The following ARL13B variants were observed in gnomAD, a reference collection of about 807,000 sequenced individuals.
ARL13B encodes the protein ADP-ribosylation factor-like protein 13B.
In ARL13B, 36 loss-of-function variants were observed where a neutral mutation model predicts 56.1. The ratio of observed to expected loss-of-function variants is 0.64; its 90% CI spans 0.49 to 0.85. ARL13B has a LOEUF of 0.85. Among genes scored for constraint, ARL13B ranks in the 40% least tolerant of loss-of-function variants. ARL13B has a pLI of 0.00. For missense variants in ARL13B, 519 were observed against 507.1 expected, an observed-to-expected ratio of 1.02 and a Z score of -0.23; for synonymous variants, 178 against 171.1, an observed-to-expected ratio of 1.04 and a Z score of -0.32.
chr3:94,055,112 C>T lies in ARL13B; in HGVS notation c.*1849C>T, dbSNP rs988652015. ...TATAGAATTCACATTTTATATAGCT[C>T]TCTCAAAAATTAATTTTTATTCCTT... is the stretch of plus-strand genomic sequence containing the variant. On this transcript the variant is annotated 3_prime_UTR_variant, in exon 10 of 10. Transcript: ENST00000394222. 8.2e-6 allele frequency: 3 copies of T among 365,590 alleles called. No individual in the cohort carries two copies. The highest frequency in any genetic ancestry group is 1.6e-5 in the Non-Finnish European group (3 of 191,912). The allele number at this position is 365,590 out of a possible 1,614,324, so 22.6% of individuals were successfully genotyped here.
chr3:94,036,436 C>CATATTATTATTA, intron 4 of ARL13B, 116 bp from the exon 5 acceptor site: 1 of 1,027,136 alleles, frequency 9.7e-7, no homozygotes, highest in South Asian at 1.4e-5. Flanking sequence ...GCAGATGCTT[C>CATATTATTATTA]ATATTATTAA....
At chr3:94,030,835 TA>T (rs935360969) in intron 3 of ARL13B, among the ~76,000 whole-genome samples, 7 of 152,030 alleles carry the variant, frequency 4.6e-5, no homozygotes, top group African/African-American at 1.7e-4. Flanking sequence ...ATAAAACAAA[TA>T]ATGTCATTAG....
At chr3:94,002,871 C>G (rs568032250) in intron 2 of ARL13B, among the ~76,000 whole-genome samples, 1 of 152,232 alleles carries the variant, frequency 6.6e-6, no homozygotes, top group African/African-American at 2.4e-5. Context: ...TGTTCATATT[C>G]CTTTACTTTG....
At chr3:94,032,847 A>G (rs372805748) in intron 3 of ARL13B, among the ~76,000 whole-genome samples, 19 of 152,342 alleles carry the variant, frequency 1.2e-4, no homozygotes, top group East Asian at 7.7e-4. Flanking sequence ...TCAGTCTAGC[A>G]ACCTCACTAC....
At chr3:94,005,150 C>T (rs1440167808) in intron 3 of ARL13B, among the ~76,000 whole-genome samples, 1 of 151,994 alleles carries the variant, frequency 6.6e-6, no homozygotes, top group African/African-American at 2.4e-5. Context: ...TTTCTATAAT[C>T]ACAACATTGC....
Position 94,035,564 on chromosome 3 carries a change from A to C in ARL13B, c.486+128A>C, listed in dbSNP as rs1384155725. 6 of 638,856 alleles carry C rather than the reference A, an allele frequency of 9.4e-6. No individual in the cohort carries two copies. In the East Asian group the frequency reaches 1.7e-4, roughly 18 times the overall value. The allele number at this position is 638,856 out of a possible 1,614,324, so 39.6% of individuals were successfully genotyped here. On this transcript the variant is annotated intron_variant, in intron 4 of 9. Coordinates refer to ENST00000394222, the MANE Select transcript of ARL13B (RefSeq NM_001174150.2). ...TTCAAAGAATTTTTTGTAACCTATG[A>C]AATCACATTCCCATTTTTCTGTTGA...
intron 7 of ARL13B, among the ~76,000 whole-genome samples, chr3:94,046,030 G>A (rs1211403091): frequency 6.8e-6 from 1 of 146,480 alleles, no homozygotes; most frequent in African/African-American, 2.5e-5. Context: ...GTATTGACTA[G>A]AGGATAGACA....
At chr3:93,986,423 T>G (rs1439182406) in intron 1 of ARL13B, among the ~76,000 whole-genome samples, 4 of 152,198 alleles carry the variant, frequency 2.6e-5, no homozygotes, top group Non-Finnish European at 5.9e-5. Flanking sequence ...TCGATACATT[T>G]TTTTCTTTCT....
chr3:94,016,490 A>G (rs1001247204), intron 3 of ARL13B, among the ~76,000 whole-genome samples: 3 of 152,176 alleles, frequency 2.0e-5, no homozygotes, highest in Admixed American at 1.3e-4. Context: ...AATAGTGTGG[A>G]ACTTTATACT....
In ARL13B at chr3:94,014,956, A is replaced by T. The variant is rs774234742; in HGVS notation, c.380+11048A>T. 2 of 1,613,942 alleles carry T rather than the reference A, an allele frequency of 1.2e-6. No homozygotes were observed. Among genetic ancestry groups the T allele is most frequent in the Non-Finnish European group, 1.7e-6 (2 of 1,179,940 alleles). ...AACTAAATCATTCAAACTTCTGTTG[A>T]TGTATTCTGCCTGAATTTTTATCTC... On this transcript the variant is annotated intron_variant, in intron 3 of 9. Transcript: ENST00000394222.
chr3:94,023,553 G>A (rs1287080235), intron 3 of ARL13B, among the ~76,000 whole-genome samples: 4 of 151,234 alleles, frequency 2.6e-5, no homozygotes, highest in African/African-American at 7.3e-5. Context: ...TATTTTCATG[G>A]CCTTTCAGAC....
At chr3:94,048,989 CTGGAA>C (rs1423020043) in intron 7 of ARL13B, among the ~76,000 whole-genome samples, 1 of 151,996 alleles carries the variant, frequency 6.6e-6, no homozygotes, top group Non-Finnish European at 1.5e-5. Context: ...CTATTTATAC[CTGGAA>C]TCATTCTACA....
chr3:94,008,592 C>A (rs1478311869), intron 3 of ARL13B, among the ~76,000 whole-genome samples: 1 of 152,154 alleles, frequency 6.6e-6, no homozygotes, highest in Non-Finnish European at 1.5e-5. Flanking sequence ...TTGAAATTTT[C>A]AGCAGTCCAG....
At position 94,052,918 on chromosome 3, in the gene ARL13B, A is replaced by G. The variant is rs546691638; in HGVS notation, c.1211-269A>G. Among the ~76,000 whole-genome samples the G allele has an allele frequency of 2.7e-4, 41 of 152,282 alleles. 1 individual carries two copies. Among genetic ancestry groups the G allele is most frequent in the Admixed American group, 5.9e-4 (9 of 15,290 alleles). Reference sequence around the variant, plus strand: ...AGGAAGGAATATTTTAACCATTATAATAAGTAATATGTGATTAATGCATGT... The same window carrying G: ...AGGAAGGAATATTTTAACCATTATAGTAAGTAATATGTGATTAATGCATGT... On this transcript the variant is annotated intron_variant, in intron 9 of 9. Transcript: ENST00000394222.
chr3:94,047,417 G>C (rs562335588), intron 7 of ARL13B, among the ~76,000 whole-genome samples: 1 of 152,150 alleles, frequency 6.6e-6, no homozygotes. Context: ...TCTACTGCTT[G>C]TTAAAGAACA....
chr3:94,051,919 A>AT (rs200822426), intron 9 of ARL13B, among the ~76,000 whole-genome samples: 167 of 146,494 alleles, frequency 1.1e-3, no homozygotes, highest in Middle Eastern at 7.0e-3. Flanking sequence ...AAATTCATGA[A>AT]TTTTTTTTTT....
intron 1 of ARL13B, among the ~76,000 whole-genome samples, chr3:93,995,399 A>C (rs1263643483): frequency 6.6e-6 from 1 of 152,138 alleles, no homozygotes; most frequent in African/African-American, 2.4e-5. Flanking sequence ...TCCTTCTCTC[A>C]AAATGTTAGC....
intron 3 of ARL13B, among the ~76,000 whole-genome samples, 154 bp downstream of exon 3, chr3:94,004,062 CTTG>C (rs1452038084): frequency 1.3e-5 from 2 of 151,938 alleles, no homozygotes; most frequent in Non-Finnish European, 2.9e-5. Context: ...TTACTGAGGC[CTTG>C]TTATAGTGCT....
intron 3 of ARL13B, among the ~76,000 whole-genome samples, chr3:94,007,637 A>T (rs150370453): frequency 2.0e-5 from 3 of 152,276 alleles, no homozygotes; most frequent in African/African-American, 7.2e-5. Context: ...CACTACCATG[A>T]CAACAATATG....
Sources: allele counts gnomAD v4.1 joint callset (sites outside exome capture counted in the v4.1 genomes callset), GRCh38; gene constraint gnomAD v4.1.1; transcripts MANE v1.5; gene names NCBI Gene and HGNC (gene_info 2026-07-23, HGNC 2026-07-21).